Variants in CMTM8 observed in about 807,000 individuals in gnomAD.
CMTM8 encodes the protein CKLF like MARVEL transmembrane domain containing 8.
A neutral mutation model predicts 18.6 loss-of-function variants in CMTM8; 12 were observed. The observed-to-expected ratio is 0.65, with a 90% CI of 0.41 to 1.05. The LOEUF (loss-of-function observed/expected upper bound fraction) is 1.05. Among genes scored for constraint, CMTM8 ranks in the 50% least tolerant of loss-of-function variants. The probability of loss-of-function intolerance (pLI) is 0.00; values close to 1 mark genes in which losing one functional copy is unlikely to be tolerated. For synonymous variants in CMTM8, 87 were observed against 90.6 expected (o/e 0.96, Z 0.23); for missense variants, 217 against 227.2 (o/e 0.95, Z 0.29).
chr3:32,270,797 CA>C (rs1249501839), intron 1 of CMTM8, among the ~76,000 whole-genome samples: 1 of 152,018 alleles, frequency 6.6e-6, no homozygotes, highest in Non-Finnish European at 1.5e-5. Flanking sequence ...TGCAGCACAC[CA>C]ACATGGCACA....
intron 1 of CMTM8, among the ~76,000 whole-genome samples, chr3:32,286,721 G>A (rs1161012031): frequency 6.6e-6 from 1 of 152,134 alleles, no homozygotes; most frequent in African/African-American, 2.4e-5. Flanking sequence ...GAATTGTCTT[G>A]GGCCACATAT....
At chr3:32,259,711 G>A (rs1702229469) in intron 1 of CMTM8, 5 of 1,104,942 alleles carry the variant, frequency 4.5e-6, no homozygotes, top group Non-Finnish European at 6.9e-6. Flanking sequence ...AATATGACGA[G>A]CTGGCTCGGA....
chr3:32,325,710 A>T (rs1212409868), intron 1 of CMTM8, among the ~76,000 whole-genome samples: 1 of 152,204 alleles, frequency 6.6e-6, no homozygotes, highest in Non-Finnish European at 1.5e-5. Context: ...ATGAAAAGGT[A>T]TTTATTTATT....
intron 1 of CMTM8, among the ~76,000 whole-genome samples, chr3:32,327,622 G>A (rs1445578223): frequency 2.0e-5 from 3 of 152,224 alleles, no homozygotes; most frequent in Non-Finnish European, 2.9e-5. Flanking sequence ...AGGGTAACTG[G>A]AGAGTTCCAT....
At chr3:32,334,031 G>A (rs1330959645) in intron 1 of CMTM8, among the ~76,000 whole-genome samples, 1 of 151,382 alleles carries the variant, frequency 6.6e-6, no homozygotes, top group Non-Finnish European at 1.5e-5. Context: ...AGGCTGGGGT[G>A]CAGTGGTGCA....
At chr3:32,320,725 T>C (rs1247222832) in intron 1 of CMTM8, among the ~76,000 whole-genome samples, 2 of 152,170 alleles carry the variant, frequency 1.3e-5, no homozygotes, top group African/African-American at 4.8e-5. Context: ...ATCTTTTTCT[T>C]GGAGTTGGGG....
At chr3:32,292,181 T>G (rs550691868) in intron 1 of CMTM8, among the ~76,000 whole-genome samples, 1 of 152,270 alleles carries the variant, frequency 6.6e-6, no homozygotes, top group South Asian at 2.1e-4. Context: ...AGTTTGCGTG[T>G]GGTAGAAATG....
intron 1 of CMTM8, among the ~76,000 whole-genome samples, chr3:32,253,621 G>A (rs928768305): frequency 6.6e-6 from 1 of 152,078 alleles, no homozygotes; most frequent in African/African-American, 2.4e-5. Flanking sequence ...CCAAAGTGCT[G>A]GGATTACAGG....
At chr3:32,279,166 GATTTTTTTTTTTA>G (rs1702566223) in intron 1 of CMTM8, among the ~76,000 whole-genome samples, 2 of 21,266 alleles carry the variant, frequency 9.4e-5, no homozygotes, top group East Asian at 1.3e-3. Flanking sequence ...TATAATTAGT[GATTTTTTTTTTTA>G]ATTTTTTTTT....
chr3:32,340,286 TAGTGGATA>T (rs1200862763), intron 1 of CMTM8, among the ~76,000 whole-genome samples: 1 of 152,124 alleles, frequency 6.6e-6, no homozygotes. Flanking sequence ...GGATACCCTC[TAGTGGATA>T]AGTGAAGATG....
At chr3:32,248,634 G>A (rs911432119) in intron 1 of CMTM8, among the ~76,000 whole-genome samples, 2 of 151,672 alleles carry the variant, frequency 1.3e-5, no homozygotes, top group Non-Finnish European at 2.9e-5. Context: ...AAAGTGCTGG[G>A]ATTACAGGCA....
At chr3:32,330,012 A>G (rs528979440) in intron 1 of CMTM8, among the ~76,000 whole-genome samples, 3 of 152,122 alleles carry the variant, frequency 2.0e-5, no homozygotes, top group Admixed American at 6.5e-5. Context: ...ATCAAAAAGA[A>G]TAAAACACTT....
chr3:32,319,072 A>ATTTTTTTTTTTTT (rs1559378745), intron 1 of CMTM8, among the ~76,000 whole-genome samples: 2 of 24,418 alleles, frequency 8.2e-5, no homozygotes, highest in African/African-American at 2.9e-4. Flanking sequence ...ATATATATAT[A>ATTTTTTTTTTTTT]TATTTTTTTT....
chr3:32,296,575 A>G (rs1251282783), intron 1 of CMTM8, among the ~76,000 whole-genome samples: 1 of 152,182 alleles, frequency 6.6e-6, no homozygotes. Flanking sequence ...CTTCTGGTCC[A>G]TCACAGGTCT....
At chr3:32,326,611 G>T (rs1696163514) in intron 1 of CMTM8, among the ~76,000 whole-genome samples, 1 of 150,522 alleles carries the variant, frequency 6.6e-6, no homozygotes. Flanking sequence ...CTGCCTTCCA[G>T]GTTCAGATGA....
chr3:32,239,174 C>T, intron 1 of CMTM8, 55 bp downstream of exon 1: 1 of 1,539,826 alleles, frequency 6.5e-7, no homozygotes. Context: ...CCGGCGCGTG[C>T]TTCCGCCGTG....
chr3:32,342,733 T>G (rs1391522759), intron 1 of CMTM8, among the ~76,000 whole-genome samples: 4 of 152,234 alleles, frequency 2.6e-5, no homozygotes, highest in Admixed American at 2.6e-4. Flanking sequence ...CAGAGAAAAG[T>G]AGGTTTTTTA....
intron 1 of CMTM8, among the ~76,000 whole-genome samples, chr3:32,298,415 A>G (rs1217931276): frequency 6.6e-6 from 1 of 151,118 alleles, no homozygotes; most frequent in African/African-American, 2.4e-5. Context: ...TCTAAAATAC[A>G]GAGATACTAT....
At chr3:32,305,847 T>A (rs1695705295) in intron 1 of CMTM8, among the ~76,000 whole-genome samples, 1 of 152,228 alleles carries the variant, frequency 6.6e-6, no homozygotes, top group Non-Finnish European at 1.5e-5. Flanking sequence ...TGCATGTTTT[T>A]AAAAAATAAA....
Sources: allele counts gnomAD v4.1 joint callset (sites outside exome capture counted in the v4.1 genomes callset), GRCh38; gene constraint gnomAD v4.1.1; transcripts MANE v1.5; gene names NCBI Gene and HGNC (gene_info 2026-07-23, HGNC 2026-07-21).